The following DCAF4 variants were observed in gnomAD, a reference collection of about 807,000 sequenced individuals.
The protein encoded by DCAF4 is DDB1 and CUL4 associated factor 4, also known as DDB1- and CUL4-associated factor 4.
Under a neutral mutation model 60.9 loss-of-function variants are expected in DCAF4, and 37 were observed. The observed-to-expected ratio is 0.61, with a 90% confidence interval of 0.47 to 0.80. The LOEUF is 0.80. Ranked by LOEUF, DCAF4 falls within the 30% of genes least tolerant of loss-of-function variation. DCAF4 has a pLI of 0.00. For synonymous variants in DCAF4, 243 were observed against 254.8 expected, an observed-to-expected ratio of 0.95 and a Z score of 0.44; for missense variants, 577 against 650.0, an observed-to-expected ratio of 0.89 and a Z score of 1.22.
At chr14:72,951,972 C>T in intron 9 of DCAF4, 95 bp downstream of exon 9, 2 of 1,325,040 alleles carry the variant, frequency 1.5e-6, no homozygotes, top group South Asian at 1.2e-5. Flanking sequence ...GCTGCAGAGG[C>T]ACTGTGGGAG....
Position 72,949,224 on chromosome 14 carries a change from G to C in DCAF4, c.728+2033G>C, listed in dbSNP as rs1007103817. On this transcript the variant is annotated intron_variant, in intron 8 of 13. Coordinates refer to ENST00000358377, the MANE Select transcript of DCAF4 (RefSeq NM_015604.4). ...AGCATTTTGGGAGGCCAAAGTTGGG[G>C]GATTGCTTGAGGCCAGGAGTTTGAG... Among the ~76,000 whole-genome samples the C allele has an allele frequency of 1.1e-4, 17 of 152,134 alleles. 1 individual carries two copies. Among genetic ancestry groups the C allele is most frequent in the African/African-American group, 3.9e-4 (16 of 41,422 alleles).
At chr14:72,955,051 C>T (rs964005013) in intron 11 of DCAF4, among the ~76,000 whole-genome samples, 17 of 150,648 alleles carry the variant, frequency 1.1e-4, no homozygotes, top group African/African-American at 3.9e-4. Flanking sequence ...GCGGAGGTTG[C>T]AGTGAGCCAA....
intron 1 of DCAF4, among the ~76,000 whole-genome samples, chr14:72,934,413 CA>C (rs1888989294): frequency 6.6e-6 from 1 of 152,110 alleles, no homozygotes; most frequent in Non-Finnish European, 1.5e-5. Flanking sequence ...CTCGGCCTCC[CA>C]AAGTGCTGGG....
downstream of DCAF4, chr14:72,959,779 A>T (rs1300044182): frequency 2.0e-6 from 1 of 492,080 alleles, no homozygotes; most frequent in African/African-American, 2.1e-5. Context: ...TCATCTGTCC[A>T]TCTCCACCCT....
intron 6 of DCAF4, 94 bp from the exon 7 acceptor site, chr14:72,945,790 G>C (rs1027766004): frequency 6.5e-7 from 1 of 1,527,016 alleles, no homozygotes; most frequent in African/African-American, 1.4e-5. Flanking sequence ...AAAATGCACA[G>C]AGCATGGGGG....
In DCAF4 at chr14:72,951,858, G is replaced by A; in HGVS notation, c.789G>A (p.Leu263=). ...GTGCCACCCTGCTCCCAGCATCACT[G>A]TTCGTCAATAGTCACCCAGGTACAG... ...PGCATLLPAS[L]FVNSHPGIDR... Residue 263 remains leucine, a synonymous_variant, in exon 9 of 14, where the codon CTG becomes CTA. Transcript: ENST00000358377. The A allele has an allele frequency of 6.2e-7, 1 of 1,614,126 alleles. No individual in the cohort carries two copies. The highest frequency in any genetic ancestry group is 8.5e-7 in the Non-Finnish European group (1 of 1,180,024).
chr14:72,951,909 T>C, intron 9 of DCAF4, 32 bp downstream of exon 9: 1 of 1,611,444 alleles, frequency 6.2e-7, no homozygotes, highest in Non-Finnish European at 8.5e-7. Context: ...AAGAAATCTG[T>C]CCTCTGTCTC....
chr14:72,948,159 C>T (rs531991108), intron 8 of DCAF4, among the ~76,000 whole-genome samples: 2 of 152,192 alleles, frequency 1.3e-5, no homozygotes, highest in East Asian at 3.9e-4. Flanking sequence ...ATTTGTTTCA[C>T]AGCACTGTAT....
chr14:72,942,931 C>G (rs1295191278), intron 5 of DCAF4, 63 bp from the exon 6 acceptor site: 2 of 1,503,090 alleles, frequency 1.3e-6, no homozygotes, highest in African/African-American at 2.7e-5. Flanking sequence ...AGGCCAGAGA[C>G]CCCCGAATCT....
chr14:72,954,634 G>GT, intron 11 of DCAF4, 151 bp downstream of exon 11: 1 of 770,046 alleles, frequency 1.3e-6, no homozygotes. Context: ...TTGTAAGGGT[G>GT]TCTGAGCCGA....
Position 72,959,291 on chromosome 14 carries a change from T to G in DCAF4, c.*486T>G, listed in dbSNP as rs558862562. 61 of 985,852 alleles carry G rather than the reference T, an allele frequency of 6.2e-5. No homozygotes were observed. In the Admixed American group the frequency reaches 1.2e-3, roughly 19 times the overall value. 61.1% of individuals were successfully genotyped at this position (985,852 alleles called of 1,614,324 possible). A position where few individuals can be genotyped will look rare whatever the true frequency, so the allele number is the denominator to read the frequency against. On this transcript the variant is annotated 3_prime_UTR_variant, in exon 14 of 14. Transcript: ENST00000358377. ...GACGGGGAGGTTACTTCTCTAAGTT[T>G]CTGCAGAAATATTGAAGGCTGGAGT...
chr14:72,961,727 T>C, downstream of DCAF4: 1 of 688,760 alleles, frequency 1.5e-6, no homozygotes, highest in Non-Finnish European at 1.8e-6. Flanking sequence ...ATTGCGTGTT[T>C]GGCTGTGGGC....
intron 1 of DCAF4, among the ~76,000 whole-genome samples, chr14:72,929,058 C>T (rs1289630218): frequency 2.0e-5 from 3 of 152,218 alleles, no homozygotes; most frequent in Non-Finnish European, 2.9e-5. Flanking sequence ...TTGGGCGTCC[C>T]AGCACTGCGG....
intron 1 of DCAF4, among the ~76,000 whole-genome samples, chr14:72,931,598 T>C (rs1888582045): frequency 6.6e-6 from 1 of 152,230 alleles, no homozygotes; most frequent in Admixed American, 6.5e-5. Context: ...ATCTTTGTCT[T>C]ATTCCTGACC....
At position 72,933,816 on chromosome 14, in the gene DCAF4, C is replaced by T. The variant is rs114549902; in HGVS notation, c.-8-4155C>T. The stretch of plus-strand genomic sequence containing the variant: ...CCTGCTCATGACTCTACCAGTTATT[C>T]ACTTAACCTTTCTCAACTCCTCTCT... On this transcript the variant is annotated intron_variant, in intron 1 of 13. Coordinates refer to ENST00000358377, the MANE Select transcript of DCAF4 (RefSeq NM_015604.4). Among the ~76,000 whole-genome samples, 813 of 152,272 alleles carry T rather than the reference C, an allele frequency of 5.3e-3. 9 individuals are homozygous for T. The highest frequency in any genetic ancestry group is 0.018 in the African/African-American group (760 of 41,546).
intron 1 of DCAF4, chr14:72,930,044 C>T (rs373645931): frequency 5.4e-6 from 3 of 557,480 alleles, no homozygotes; most frequent in Middle Eastern, 4.7e-4. Context: ...GGCAGGAGGA[C>T]GGCTTGAGCC....
chr14:72,940,970 T>G (rs113319103), intron 4 of DCAF4, among the ~76,000 whole-genome samples: 6 of 21,224 alleles, frequency 2.8e-4, no homozygotes, highest in Non-Finnish European at 1.0e-3. Context: ...AACTGTTTTT[T>G]GGGGTTTTTT....
intron 1 of DCAF4, among the ~76,000 whole-genome samples, chr14:72,931,963 C>G (rs1295173784): frequency 6.6e-6 from 1 of 150,960 alleles, no homozygotes; most frequent in Non-Finnish European, 1.5e-5. Flanking sequence ...GTATTCATAA[C>G]CCATACTGAC....
intron 3 of DCAF4, 23 bp downstream of exon 3, chr14:72,939,925 AATC>A: frequency 6.3e-7 from 1 of 1,574,822 alleles, no homozygotes; most frequent in Non-Finnish European, 8.6e-7. Context: ...GCGGGGTGGG[AATC>A]CTGGCCCTTG....
Sources: gnomAD v4.1 joint callset for allele counts (sites outside exome capture counted in the v4.1 genomes callset) on GRCh38, gnomAD v4.1.1 for gene constraint, MANE v1.5 for transcripts, NCBI Gene and HGNC (gene_info 2026-07-23, HGNC 2026-07-21) for gene names.